The following PRKN variants were observed in gnomAD, a reference collection of about 807,000 sequenced individuals.
PRKN encodes the protein E3 ubiquitin-protein ligase parkin.
In PRKN, 56 loss-of-function variants were observed where a neutral mutation model predicts 59.5. The ratio of observed to expected loss-of-function variants is 0.94; its 90% confidence interval spans 0.76 to 1.18. PRKN has a LOEUF of 1.18. PRKN is among the 50% of genes most tolerant of loss of function. The pLI, the probability that PRKN is intolerant of heterozygous loss-of-function variation, is 0.00. For missense variants in PRKN, 657 were observed against 596.4 expected, an observed-to-expected ratio of 1.10 and a Z score of -1.06; for synonymous variants, 250 against 222.1, an observed-to-expected ratio of 1.13 and a Z score of -1.12.
rs1279781361 is a variant in PRKN, at chr6:161,498,258, A to C, written c.1083+50596T>G. On this transcript the variant is annotated intron_variant, in intron 9 of 11. Coordinates refer to ENST00000366898, the MANE Select transcript of PRKN (RefSeq NM_004562.3). The surrounding 1 kb of genome is among the most constrained non-coding windows in gnomAD (Gnocchi z 4.2). ...TCAGTATCATGTTATAGAGTGTATT[A>C]ATTAATAAATGGAATATTTAGCTTT... Among the ~76,000 whole-genome samples the C allele has an allele frequency of 6.6e-6, 1 of 152,204 alleles. No individual in the cohort carries two copies. The highest frequency in any genetic ancestry group is 2.4e-5 in the African/African-American group (1 of 41,438).
rs1389608463 is a variant in PRKN at position 161,733,962 on chromosome 6, AC to A, written c.871+51809del. On this transcript the variant is annotated intron_variant, in intron 7 of 11. Coordinates refer to ENST00000366898, the MANE Select transcript of PRKN (RefSeq NM_004562.3). ...TCTCTTTTATTGAAAATTCATTTAC[AC>A]ACACACACACACACACACACACACA... Among the ~76,000 whole-genome samples, 4 of 1,908 alleles carry A rather than the reference AC, an allele frequency of 2.1e-3. No individual in the cohort carries two copies. In the East Asian group the frequency reaches 0.5, roughly 238 times the overall value. The allele number at this position is 1,908 out of a possible 152,430, so 1.3% of individuals were successfully genotyped here. A position where few individuals can be genotyped will look rare whatever the true frequency, so the allele number is the denominator to read the frequency against.
In PRKN at chr6:161,837,256, C is replaced by T. The variant is rs180787152; in HGVS notation, c.735-51348G>A. 3.9e-4 allele frequency among the ~76,000 whole-genome samples: 60 copies of T among 152,154 alleles called. 1 individual carries two copies. The East Asian group carries it at 0.011, about 28-fold the overall frequency. On this transcript the variant is annotated intron_variant, in intron 6 of 11. Transcript: ENST00000366898. The stretch of plus-strand genomic sequence containing the variant: ...TTGTCTGAAAATCTGGGAATTTTTC[C>T]CTTCCTCCTGCTAATGGCCTGGGTT...
intron 9 of PRKN, among the ~76,000 whole-genome samples, chr6:161,520,391 AT>A (rs1020103923): frequency 2.6e-5 from 4 of 151,626 alleles, no homozygotes; most frequent in South Asian, 2.1e-4. Context: ...GGCCCGGCTA[AT>A]TTTTTTTGTA....
intron 1 of PRKN, among the ~76,000 whole-genome samples, chr6:162,695,231 A>C (rs1423137199): frequency 1.3e-5 from 2 of 152,224 alleles, no homozygotes; most frequent in East Asian, 3.8e-4. Flanking sequence ...ACATAAAAAG[A>C]AAGTTTTTAA....
rs115268585 is a variant in PRKN, at chr6:162,557,946, G to A, written c.8-114473C>T. Among the ~76,000 whole-genome samples, 1,275 of 152,248 alleles carry A rather than the reference G, an allele frequency of 8.4e-3. 15 individuals are homozygous for A. The highest frequency in any genetic ancestry group is 0.029 in the African/African-American group (1,201 of 41,548). ...TTCAGCTCAAGAATCAGATCATGGG[G>A]GAAGCTTCAAGAGCAGCAAAACTTG... On this transcript the variant is annotated intron_variant, in intron 1 of 11. Transcript: ENST00000366898.
chr6:161,854,084 T>TTAA (rs905091594), intron 6 of PRKN, among the ~76,000 whole-genome samples: 4 of 103,666 alleles, frequency 3.9e-5, no homozygotes, highest in African/African-American at 1.6e-4. Flanking sequence ...TGTTTCTACA[T>TTAA]AAAAAAAAAA....
At chr6:162,331,856 T>C (rs1234550665) in intron 2 of PRKN, among the ~76,000 whole-genome samples, 2 of 152,214 alleles carry the variant, frequency 1.3e-5, no homozygotes, top group African/African-American at 4.8e-5. Context: ...CAACTCAGTA[T>C]GGAATATGTG....
intron 1 of PRKN, chr6:162,644,055 C>T (rs903119424): frequency 2.6e-5 from 4 of 152,258 alleles, no homozygotes; most frequent in African/African-American, 4.8e-5. Context: ...CCAAGCCCAG[C>T]TCTACCTCCT....
At position 161,400,757 on chromosome 6, in the gene PRKN, A is replaced by T. The variant is rs1787012882; in HGVS notation, c.1084-13880T>A. Reference sequence around the variant, plus strand: ...AAGAAAAGAGCTGCAGGGGACAGAAAATCAGTCAAATTAAAGAAAATATGA... The same window carrying T: ...AAGAAAAGAGCTGCAGGGGACAGAATATCAGTCAAATTAAAGAAAATATGA... On this transcript the variant is annotated intron_variant, in intron 9 of 11. Coordinates refer to ENST00000366898, the MANE Select transcript of PRKN (RefSeq NM_004562.3). The surrounding 1 kb of genome is among the most constrained non-coding windows in gnomAD (Gnocchi z 4.2). Among the ~76,000 whole-genome samples, 1 of 152,180 alleles carries T rather than the reference A, an allele frequency of 6.6e-6. No homozygotes were observed. The highest frequency in any genetic ancestry group is 2.4e-5 in the African/African-American group (1 of 41,426).
intron 6 of PRKN, among the ~76,000 whole-genome samples, chr6:161,947,995 C>CTT (rs969753131): frequency 6.6e-6 from 1 of 151,434 alleles, no homozygotes; most frequent in Admixed American, 6.6e-5. Context: ...TCTTCTTCTT[C>CTT]TTTTTTTTGA....
chr6:161,871,789 C>T (rs1794351048), intron 6 of PRKN, among the ~76,000 whole-genome samples: 1 of 152,120 alleles, frequency 6.6e-6, no homozygotes, highest in African/African-American at 2.4e-5. Flanking sequence ...ATGTATTTCT[C>T]AGCTGGTGTA....
intron 6 of PRKN, among the ~76,000 whole-genome samples, chr6:161,862,554 G>A (rs1453160954): frequency 6.6e-6 from 1 of 152,144 alleles, no homozygotes; most frequent in African/African-American, 2.4e-5. Context: ...GGGATCTCAA[G>A]AGTATAAATT....
chr6:161,516,410 T>C (rs1268392192), intron 9 of PRKN, among the ~76,000 whole-genome samples: 1 of 134,158 alleles, frequency 7.5e-6, no homozygotes, highest in African/African-American at 2.9e-5. Flanking sequence ...GAGGTTGCAG[T>C]GAGCCAAGAT....
At chr6:162,081,111 T>G (rs1779037833) in intron 4 of PRKN, among the ~76,000 whole-genome samples, 1 of 152,118 alleles carries the variant, frequency 6.6e-6, no homozygotes, top group Non-Finnish European at 1.5e-5. Context: ...AGTTACCTGC[T>G]CCACTGAAGT....
At chr6:161,535,580 G>A (rs1161656350) in intron 9 of PRKN, among the ~76,000 whole-genome samples, 1 of 152,214 alleles carries the variant, frequency 6.6e-6, no homozygotes, top group South Asian at 2.1e-4. Flanking sequence ...CCCGAATACA[G>A]ATATTTCCCA....
At chr6:161,757,111 A>C (rs1269597333) in intron 7 of PRKN, among the ~76,000 whole-genome samples, 1 of 152,258 alleles carries the variant, frequency 6.6e-6, no homozygotes, top group Non-Finnish European at 1.5e-5. Flanking sequence ...AGATATCTTA[A>C]TATAAAACAT....
intron 4 of PRKN, among the ~76,000 whole-genome samples, chr6:162,196,788 T>A (rs1214073965): frequency 6.6e-6 from 1 of 152,202 alleles, no homozygotes; most frequent in African/African-American, 2.4e-5. Context: ...TGAAACATGA[T>A]TAAACTGGAG....
At position 161,954,975 on chromosome 6, in the gene PRKN, A is replaced by G. The variant is rs116801173; in HGVS notation, c.734+18327T>C. Reference sequence around the variant, plus strand: ...GAAAGGCCAGGAGTTCACATGCACAATCTTAAATTTGGAACTAAATGTATT... The same window carrying G: ...GAAAGGCCAGGAGTTCACATGCACAGTCTTAAATTTGGAACTAAATGTATT... On this transcript the variant is annotated intron_variant, in intron 6 of 11. Transcript: ENST00000366898. Among the ~76,000 whole-genome samples, 1,213 of 152,290 alleles carry G rather than the reference A, an allele frequency of 8.0e-3. 20 individuals carry two copies. The highest frequency in any genetic ancestry group is 0.028 in the African/African-American group (1,143 of 41,556).
At chr6:162,350,470 T>C (rs1249827208) in intron 2 of PRKN, among the ~76,000 whole-genome samples, 1 of 152,184 alleles carries the variant, frequency 6.6e-6, no homozygotes, top group African/African-American at 2.4e-5. Context: ...ACGTTATTGG[T>C]ACAGATACAG....
Sources: gnomAD v4.1 joint callset for allele counts (sites outside exome capture counted in the v4.1 genomes callset) on GRCh38, gnomAD v4.1.1 for gene constraint, Gnocchi (gnomAD v3.1) non-coding constraint, MANE v1.5 for transcripts, NCBI Gene and HGNC (gene_info 2026-07-23, HGNC 2026-07-21) for gene names.